The following RELN variants were observed in gnomAD, a reference collection of about 807,000 sequenced individuals.
RELN encodes reelin.
A neutral mutation model predicts 427.6 loss-of-function variants in RELN; 108 were observed. That is an observed-to-expected ratio of 0.25 (90% CI 0.22 to 0.30). RELN has a LOEUF of 0.30. Ranked by LOEUF, RELN falls within the 10% of genes least tolerant of loss-of-function variation. The pLI is 1.00. For synonymous variants in RELN, 1,524 were observed against 1,513.4 expected (o/e 1.01, Z -0.16); for missense variants, 3,715 against 4,302.8 (o/e 0.86, Z 3.82).
chr7:103,881,166 G>A (rs1225868766), intron 2 of RELN, among the ~76,000 whole-genome samples: 1 of 151,952 alleles, frequency 6.6e-6, no homozygotes, highest in Non-Finnish European at 1.5e-5. Flanking sequence ...CCATTGTAAT[G>A]TGGCTTCTGC....
chr7:103,661,438 T>G lies in RELN; in HGVS notation c.1379A>C (p.Lys460Thr), dbSNP rs779530655. The G allele has an allele frequency of 6.2e-6, 10 of 1,613,822 alleles. No individual in the cohort carries two copies. The Admixed American group carries it at 1.7e-4, about 27-fold the overall frequency. The change falls in exon 12 of 65, where the codon AAA (lysine) becomes ACA (threonine). Residue 460 changes from lysine to threonine, a missense_variant. Around this residue, in one of 4 missense-constraint regions of RELN, gnomAD observed 2,208 missense variants for 2,361.7 expected, o/e 0.93. Transcript: ENST00000428762. ...SMVFLKDGER[K>T]LCTPSMDTTG... Reference sequence around the variant, plus strand: ...AGTGTCCATGGATGGAGTGCATAATTTCCTCTCTCCATCTTTGAGGAAGAC... The same window carrying G: ...AGTGTCCATGGATGGAGTGCATAATGTCCTCTCTCCATCTTTGAGGAAGAC...
intron 2 of RELN, among the ~76,000 whole-genome samples, chr7:103,871,553 C>T (rs942043332): frequency 2.6e-5 from 4 of 152,116 alleles, no homozygotes; most frequent in African/African-American, 9.7e-5. Flanking sequence ...AGCATGACCA[C>T]TTTGCCTCAG....
chr7:103,644,090 A>G (rs2117370883), intron 16 of RELN, among the ~76,000 whole-genome samples: 1 of 152,036 alleles, frequency 6.6e-6, no homozygotes, highest in South Asian at 2.1e-4. Context: ...CATACATTAT[A>G]GTCACATCCT....
chr7:103,812,002 A>G (rs1792755185), intron 3 of RELN, among the ~76,000 whole-genome samples: 1 of 152,234 alleles, frequency 6.6e-6, no homozygotes, highest in Non-Finnish European at 1.5e-5. Flanking sequence ...TAGTTATTCA[A>G]ATGGCTTTGC....
intron 28 of RELN, among the ~76,000 whole-genome samples, chr7:103,587,178 A>G (rs1831293112): frequency 6.6e-6 from 1 of 152,214 alleles, no homozygotes; most frequent in Non-Finnish European, 1.5e-5. Flanking sequence ...GTGTAAAAAT[A>G]CACACACAGA....
intron 22 of RELN, among the ~76,000 whole-genome samples, chr7:103,610,385 A>G (rs988556923): frequency 1.3e-5 from 2 of 152,176 alleles, no homozygotes; most frequent in Non-Finnish European, 2.9e-5. Context: ...TTGTATGTCA[A>G]ACTGAAAGTA....
intron 2 of RELN, among the ~76,000 whole-genome samples, chr7:103,866,972 AC>A (rs1174872119): frequency 6.6e-6 from 1 of 152,082 alleles, no homozygotes; most frequent in African/African-American, 2.4e-5. Flanking sequence ...ACAGATCAAT[AC>A]GTTTCAAGGA....
At chr7:103,857,771 A>T (rs1443409162) in intron 2 of RELN, among the ~76,000 whole-genome samples, 2 of 152,210 alleles carry the variant, frequency 1.3e-5, no homozygotes. Context: ...AGGCAAATCC[A>T]GTCGTGGTAA....
intron 41 of RELN, among the ~76,000 whole-genome samples, chr7:103,547,088 A>C (rs1338282413): frequency 1.3e-5 from 2 of 152,246 alleles, no homozygotes; most frequent in East Asian, 3.8e-4. Context: ...GGCAGGATGC[A>C]GAGATGACAT....
At chr7:103,937,611 C>T (rs1796015497) in intron 1 of RELN, among the ~76,000 whole-genome samples, 1 of 152,134 alleles carries the variant, frequency 6.6e-6, no homozygotes, top group African/African-American at 2.4e-5. Context: ...ATTTAGCTAA[C>T]ATCAAAATGT....
At chr7:103,503,893 TAAAAAAAA>T (rs71154347) in intron 51 of RELN, among the ~76,000 whole-genome samples, 10 of 96,630 alleles carry the variant, frequency 1.0e-4, no homozygotes, top group Non-Finnish European at 1.3e-4. Context: ...AATGTTCTTG[TAAAAAAAA>T]AAAAAAAAAA....
chr7:103,985,746 A>G (rs553212184), intron 1 of RELN, among the ~76,000 whole-genome samples: 2 of 152,048 alleles, frequency 1.3e-5, no homozygotes, highest in African/African-American at 4.8e-5. Context: ...AACAAAATGG[A>G]TGGTAGATAC....
rs536490018 is a variant in RELN at position 103,482,852 on chromosome 7, T to C, written c.10280+21A>G. 776 of 1,613,992 alleles carry C rather than the reference T, an allele frequency of 4.8e-4. 13 individuals are homozygous for C. In the South Asian group the frequency reaches 8.1e-3, roughly 17 times the overall value. On this transcript the variant is annotated intron_variant, in intron 63 of 64. Transcript: ENST00000428762. ...AAACCTTCCTGAAATGGACATGGGA[T>C]GCCATGTAATAGATACTCACAGGAC...
chr7:103,514,527 C>T (rs1314430229), intron 50 of RELN, among the ~76,000 whole-genome samples: 1 of 152,066 alleles, frequency 6.6e-6, no homozygotes, highest in Non-Finnish European at 1.5e-5. Context: ...GGCATGGTGT[C>T]ACATGCTTGT....
At chr7:103,576,592 G>C (rs1200980817) in intron 28 of RELN, among the ~76,000 whole-genome samples, 1 of 152,136 alleles carries the variant, frequency 6.6e-6, no homozygotes, top group Non-Finnish European at 1.5e-5. Flanking sequence ...AGGCTGTTTG[G>C]GAATGTTTGA....
intron 1 of RELN, among the ~76,000 whole-genome samples, chr7:103,920,849 C>T (rs1269498176): frequency 6.6e-6 from 1 of 152,140 alleles, no homozygotes; most frequent in Non-Finnish European, 1.5e-5. Flanking sequence ...GCTGGGATTA[C>T]AGGCATGAGC....
intron 11 of RELN, among the ~76,000 whole-genome samples, chr7:103,674,492 A>G (rs1214921543): frequency 6.6e-6 from 1 of 151,860 alleles, no homozygotes; most frequent in South Asian, 2.1e-4. Flanking sequence ...TCTTAGTTTC[A>G]GTGGAAAAAA....
chr7:103,556,552 G>A (rs1268051698), intron 38 of RELN, among the ~76,000 whole-genome samples: 1 of 152,104 alleles, frequency 6.6e-6, no homozygotes, highest in Non-Finnish European at 1.5e-5. Context: ...TGTATTGTGG[G>A]AGGGACCCAG....
At chr7:103,941,334 C>T (rs2116736562) in intron 1 of RELN, among the ~76,000 whole-genome samples, 1 of 152,262 alleles carries the variant, frequency 6.6e-6, no homozygotes, top group South Asian at 2.1e-4. Flanking sequence ...CTTATTAAGA[C>T]AAATATCAGT....
Sources: gnomAD v4.1 joint callset for allele counts (sites outside exome capture counted in the v4.1 genomes callset) on GRCh38, gnomAD v4.1.1 for gene constraint, gnomAD v4.1.1 regional missense constraint, MANE v1.5 for transcripts, NCBI Gene and HGNC (gene_info 2026-07-23, HGNC 2026-07-21) for gene names.